The following BCL11A variants were observed in gnomAD, a reference collection of about 807,000 sequenced individuals.
BCL11A encodes BCL11 transcription factor A, also known as B cell CLL/lymphoma 11A.
Under a neutral mutation model 55.9 loss-of-function variants are expected in BCL11A, and 2 were observed. That is an observed-to-expected ratio of 0.04 (90% CI 0.01 to 0.11). BCL11A has a LOEUF of 0.11. Among genes scored for constraint, BCL11A ranks in the 10% least tolerant of loss-of-function variants. The probability of loss-of-function intolerance (pLI) is 1.00; values close to 1 mark genes in which losing one functional copy is unlikely to be tolerated. For synonymous variants in BCL11A, 465 were observed against 473.4 expected, an observed-to-expected ratio of 0.98 and a Z score of 0.23; for missense variants, 817 against 1,137.1, an observed-to-expected ratio of 0.72 and a Z score of 4.05.
At chr2:60,451,296 G>A (rs1391509690) in exon 5 of BCL11A, 1 of 226,888 alleles carries the variant, frequency 4.4e-6, no homozygotes, top group Non-Finnish European at 8.8e-6. Flanking sequence ...TAGGTTCACG[G>A]CCTGTATGTG....
At position 60,546,065 on chromosome 2, in the gene BCL11A, A is replaced by G; in HGVS notation, c.291T>C (p.Asn97=). The change falls in exon 2 of 4, where the codon AAT becomes AAC. Residue 97 remains asparagine, a synonymous_variant. Transcript: ENST00000642384. This position sits in a 1 kb window ranked among gnomAD's most constrained non-coding sequence, Gnocchi z 4.1. ...PSPIEMKKAS[N]PVEVGIQVTP... is the part of the protein sequence containing the mutation. Reference sequence around the variant, plus strand: ...TGACCTGGATGCCAACCTCCACGGGATTGGATGCTTTTTTCATCTCGATTG... The same window carrying G: ...TGACCTGGATGCCAACCTCCACGGGGTTGGATGCTTTTTTCATCTCGATTG... 2 of 1,614,198 alleles carry G rather than the reference A, an allele frequency of 1.2e-6. No homozygotes were observed. The highest frequency in any genetic ancestry group is 1.7e-6 in the Non-Finnish European group (2 of 1,180,038).
At chr2:60,500,892 T>C (rs1242954880) in intron 2 of BCL11A, among the ~76,000 whole-genome samples, 1 of 152,192 alleles carries the variant, frequency 6.6e-6, no homozygotes, top group Non-Finnish European at 1.5e-5. Context: ...TATGATGACA[T>C]TGTATGGCCA....
At chr2:60,520,268 CA>C (rs1210112095) in intron 2 of BCL11A, among the ~76,000 whole-genome samples, 1 of 152,030 alleles carries the variant, frequency 6.6e-6, no homozygotes, top group Non-Finnish European at 1.5e-5. Flanking sequence ...TTCACCCTTA[CA>C]ATAAACTCTT....
chr2:60,467,918 GTGGTGGTGGTAGTGA>G (rs1169339828), intron 3 of BCL11A, among the ~76,000 whole-genome samples: 1 of 133,940 alleles, frequency 7.5e-6, no homozygotes, highest in Non-Finnish European at 1.7e-5. Flanking sequence ...GGTGGTGGTG[GTGGTGGTGGTAGTGA>G]TGGTGGTGGT....
At chr2:60,494,299 T>C (rs890841476) in intron 2 of BCL11A, among the ~76,000 whole-genome samples, 3 of 152,184 alleles carry the variant, frequency 2.0e-5, no homozygotes, top group Non-Finnish European at 4.4e-5. Flanking sequence ...TTCTCATCTG[T>C]GCATGGCCTC....
At chr2:60,551,513 C>T (rs1670412520) in intron 1 of BCL11A, among the ~76,000 whole-genome samples, 1 of 152,256 alleles carries the variant, frequency 6.6e-6, no homozygotes, top group Admixed American at 6.5e-5. Flanking sequence ...AGGGAAAGCA[C>T]GTGGTGACCT....
chr2:60,482,056 T>G (rs530099950), intron 2 of BCL11A, among the ~76,000 whole-genome samples: 1 of 152,286 alleles, frequency 6.6e-6, no homozygotes, highest in Admixed American at 6.5e-5. Context: ...AACATCCAGT[T>G]CATCAAGGTC....
intron 2 of BCL11A, among the ~76,000 whole-genome samples, chr2:60,530,019 A>C (rs1669376764): frequency 6.6e-6 from 1 of 152,192 alleles, no homozygotes; most frequent in Non-Finnish European, 1.5e-5. Flanking sequence ...AAGAGCTAAA[A>C]ATGTCAGGAA....
intron 2 of BCL11A, among the ~76,000 whole-genome samples, chr2:60,511,086 C>A (rs964971544): frequency 1.3e-5 from 2 of 152,184 alleles, no homozygotes; most frequent in Non-Finnish European, 2.9e-5. Flanking sequence ...CTGAGATGCC[C>A]ATACTCATAT....
rs552090667 is a variant in BCL11A at position 60,537,224 on chromosome 2, A to T, written c.385+8747T>A. On this transcript the variant is annotated intron_variant, in intron 2 of 3. Coordinates refer to ENST00000642384, the MANE Select transcript of BCL11A (RefSeq NM_022893.4). ...GAGAAGGTTACGATTTATTATTAAA[A>T]TTTTTTTCAGCCTTTAAATCATTCT... The T allele has an allele frequency of 2.0e-5, 3 of 152,268 alleles. No individual in the cohort carries two copies. The East Asian group carries it at 5.8e-4, about 29-fold the overall frequency. The allele number at this position is 152,268 out of a possible 1,614,324, so 9.4% of individuals were successfully genotyped here. A position where few individuals can be genotyped will look rare whatever the true frequency, so the allele number is the denominator to read the frequency against.
chr2:60,542,845 A>T (rs1407375589), intron 2 of BCL11A: 1 of 152,196 alleles, frequency 6.6e-6, no homozygotes, highest in Non-Finnish European at 1.5e-5. Flanking sequence ...CCTGGCCAAC[A>T]TGGTGAAACC....
In BCL11A at chr2:60,460,333, G is replaced by A; in HGVS notation, c.*71C>T. 6.5e-7 allele frequency: 1 copy of A among 1,529,528 alleles called. No homozygotes were observed. Among genetic ancestry groups the A allele is most frequent in the East Asian group, 2.3e-5 (1 of 43,952 alleles). The allele number at this position is 1,529,528 out of a possible 1,614,324, so 94.7% of individuals were successfully genotyped here. A position where few individuals can be genotyped will look rare whatever the true frequency, so the allele number is the denominator to read the frequency against. On this transcript the variant is annotated 3_prime_UTR_variant, in exon 4 of 4. Transcript: ENST00000642384. ...AAATCCTACAGGGAGTGGGGCTGGA[G>A]GGCGATGGGGAAGGGGAGTGGTGAA...
chr2:60,469,630 T>C (rs1405552348), intron 2 of BCL11A, among the ~76,000 whole-genome samples: 2 of 152,262 alleles, frequency 1.3e-5, no homozygotes, highest in East Asian at 3.8e-4. Flanking sequence ...TGTTGTACTC[T>C]GGTGAAGACA....
intron 2 of BCL11A, among the ~76,000 whole-genome samples, chr2:60,472,664 T>G (rs1256720896): frequency 6.6e-6 from 1 of 152,228 alleles, no homozygotes; most frequent in Non-Finnish European, 1.5e-5. Context: ...GACAAAGAGC[T>G]CTAAGCCCAG....
At chr2:60,452,834 A>G (rs1649902084), downstream of BCL11A, 1 of 571,668 alleles carries the variant, frequency 1.7e-6, no homozygotes. Flanking sequence ...TCCCCTCCCC[A>G]AGTATCTCTG....
At chr2:60,483,816 ATT>A (rs1678104330) in intron 2 of BCL11A, among the ~76,000 whole-genome samples, 2 of 151,902 alleles carry the variant, frequency 1.3e-5, no homozygotes, top group African/African-American at 4.8e-5. Context: ...TTTCTTTCCT[ATT>A]TTTGTTCTTC....
chr2:60,467,150 G>GGTGGTGGTAGTGGTGGTGTTGGTGGTGA (rs1558618271), intron 3 of BCL11A, among the ~76,000 whole-genome samples: 11 of 97,076 alleles, frequency 1.1e-4, no homozygotes, highest in Non-Finnish European at 2.1e-5. Flanking sequence ...GGTGGTGATG[G>GGTGGTGGTAGTGGTGGTGTTGGTGGTGA]TGGTGGTGGT....
chr2:60,527,874 C>A (rs1669273800), intron 2 of BCL11A: 1 of 152,266 alleles, frequency 6.6e-6, no homozygotes, highest in Non-Finnish European at 1.5e-5. Flanking sequence ...CCATCTGCAA[C>A]GAACCTCAGG....
At chr2:60,521,103 A>ACACACT (rs1553347295) in intron 2 of BCL11A, among the ~76,000 whole-genome samples, 2 of 33,126 alleles carry the variant, frequency 6.0e-5, no homozygotes, top group African/African-American at 1.3e-4. Flanking sequence ...ACACACACTC[A>ACACACT]CACACACACA....
Sources: allele counts gnomAD v4.1 joint callset (sites outside exome capture counted in the v4.1 genomes callset), GRCh38; gene constraint gnomAD v4.1.1; non-coding constraint Gnocchi (gnomAD v3.1); transcripts MANE v1.5; gene names NCBI Gene and HGNC (gene_info 2026-07-23, HGNC 2026-07-21).